The following SLC26A5 variants were observed in gnomAD, a reference collection of about 807,000 sequenced individuals.
SLC26A5 encodes the protein solute carrier family 26 member 5.
In SLC26A5, 51 loss-of-function variants were observed where a neutral mutation model predicts 81.0. The observed-to-expected ratio is 0.63, with a 90% CI of 0.50 to 0.80. The LOEUF is 0.80. Ranked by LOEUF, SLC26A5 falls within the 30% of genes least tolerant of loss-of-function variation. The pLI is 0.00. For missense variants in SLC26A5, 771 were observed against 905.8 expected, an observed-to-expected ratio of 0.85 and a Z score of 1.91; for synonymous variants, 325 against 332.8, an observed-to-expected ratio of 0.98 and a Z score of 0.25.
intron 9 of SLC26A5, among the ~76,000 whole-genome samples, chr7:103,395,190 C>T (rs1345285042): frequency 6.6e-6 from 1 of 152,036 alleles, no homozygotes; most frequent in South Asian, 2.1e-4. Context: ...TTGGGTTAGC[C>T]TGTTATCAGT....
chr7:103,374,084 T>C (rs1821169856), downstream of SLC26A5: 1 of 728,166 alleles, frequency 1.4e-6, no homozygotes, highest in Non-Finnish European at 1.8e-6. Context: ...AGAACCACTA[T>C]GTAATATCTT....
At chr7:103,409,715 GT>G (rs371646994) in intron 7 of SLC26A5, among the ~76,000 whole-genome samples, 1 of 146,230 alleles carries the variant, frequency 6.8e-6, no homozygotes. Context: ...AGCAGGTTTT[GT>G]TTTTTTTTTG....
intron 11 of SLC26A5, 132 bp downstream of exon 11, chr7:103,391,490 T>C: frequency 1.3e-6 from 1 of 741,904 alleles, no homozygotes; most frequent in Non-Finnish European, 2.4e-6. Context: ...CTTTCTCTGA[T>C]TCCCTACACA....
chr7:103,392,304 C>T (rs550266304), intron 10 of SLC26A5, among the ~76,000 whole-genome samples: 1 of 152,258 alleles, frequency 6.6e-6, no homozygotes, highest in East Asian at 1.9e-4. Context: ...GATTAAATAC[C>T]TTATCTGTGG....
chr7:103,443,901 T>C (rs1456340609), intron 1 of SLC26A5, among the ~76,000 whole-genome samples: 1 of 152,152 alleles, frequency 6.6e-6, no homozygotes, highest in African/African-American at 2.4e-5. Context: ...TGTACAAGAT[T>C]TTGAATGGGT....
At chr7:103,431,662 CTGG>C (rs1398084344) in intron 2 of SLC26A5, among the ~76,000 whole-genome samples, 2 of 152,076 alleles carry the variant, frequency 1.3e-5, no homozygotes, top group Non-Finnish European at 2.9e-5. Flanking sequence ...ATTAATTCTT[CTGG>C]TGAGTTTATT....
chr7:103,362,333 A>G, intron 19 of SLC26A5: 1 of 1,367,006 alleles, frequency 7.3e-7, no homozygotes, highest in Non-Finnish European at 9.4e-7. Context: ...AGTTGAGGTT[A>G]CCAGTCCATT....
chr7:103,425,929 A>G (rs1825682450), intron 2 of SLC26A5, among the ~76,000 whole-genome samples: 1 of 152,156 alleles, frequency 6.6e-6, no homozygotes, highest in Non-Finnish European at 1.5e-5. Flanking sequence ...ATTCTATTGT[A>G]TAGCAAAGGC....
At position 103,374,406 on chromosome 7, in the gene SLC26A5, TCAGGAGTGG is replaced by T. The variant is rs1304882461; in HGVS notation, c.2219_2227del (p.Ala740_Pro742del). On this transcript the variant is annotated inframe_deletion, in exon 20 of 20. Transcript: ENST00000306312. ...CTAGGGTGAGGTCCTCATCTATGCC[TCAGGAGTGG>T]CAGGAGTGGCATTGGGCTCCAAGTC... 1 of 1,612,358 alleles carries T rather than the reference TCAGGAGTGG, an allele frequency of 6.2e-7. No homozygotes were observed. Among genetic ancestry groups the T allele is most frequent in the African/African-American group, 1.3e-5 (1 of 74,958 alleles).
chr7:103,417,686 A>G (rs1407990326), intron 4 of SLC26A5, among the ~76,000 whole-genome samples: 1 of 152,128 alleles, frequency 6.6e-6, no homozygotes, highest in Non-Finnish European at 1.5e-5. Context: ...CTACTTGTCT[A>G]TCTCACAAGC....
rs1384226861 is a variant in SLC26A5, at chr7:103,398,089, T to C, written c.889-75A>G. On this transcript the variant is annotated intron_variant, in intron 8 of 19. Transcript: ENST00000306312. ...CTGCAAAAATCAGCTTCAAATAATA[T>C]GTTAGTCAAGTCAAATCTATTCTCA... The C allele has an allele frequency of 6.2e-6, 7 of 1,123,632 alleles. No homozygotes were observed. In the East Asian group the frequency reaches 1.4e-4, roughly 23 times the overall value. The allele number at this position is 1,123,632 out of a possible 1,614,324, so 69.6% of individuals were successfully genotyped here.
At chr7:103,365,594 A>T (rs1820674413) in intron 19 of SLC26A5, among the ~76,000 whole-genome samples, 1 of 152,156 alleles carries the variant, frequency 6.6e-6, no homozygotes, top group Non-Finnish European at 1.5e-5. Flanking sequence ...GTGCCATTGC[A>T]CACCAGCCTG....
At chr7:103,363,860 T>A (rs1328235053) in intron 19 of SLC26A5, among the ~76,000 whole-genome samples, 16 of 152,222 alleles carry the variant, frequency 1.1e-4, no homozygotes, top group Admixed American at 1.0e-3. Context: ...TAATTTTTTT[T>A]AAATTAGGAA....
intron 14 of SLC26A5, among the ~76,000 whole-genome samples, chr7:103,382,330 T>A (rs1821863313): frequency 6.6e-6 from 1 of 151,710 alleles, no homozygotes; most frequent in Non-Finnish European, 1.5e-5. Flanking sequence ...ACATTATTTT[T>A]TGAGAGCCCT....
intron 11 of SLC26A5, among the ~76,000 whole-genome samples, chr7:103,391,344 C>T (rs147930786): frequency 3.4e-4 from 52 of 152,290 alleles, no homozygotes; most frequent in African/African-American, 1.1e-3. Context: ...CAGTCTCAGG[C>T]TTTCATAACA....
In SLC26A5 at chr7:103,367,944, A is replaced by C. The variant is rs373150287; in HGVS notation, c.2041+8864T>G. On this transcript the variant is annotated intron_variant, in intron 19 of 19. Transcript: ENST00000339444. The surrounding 1 kb of genome is among the most constrained non-coding windows in gnomAD (Gnocchi z 6.1). ...CACAGAGGCTGGTATGTTTGCCATC[A>C]GAGCACGGCGAAAAATTGCTACCGA... The C allele has an allele frequency of 1.7e-4, 273 of 1,614,036 alleles. No homozygotes were observed. Among genetic ancestry groups the C allele is most frequent in the Non-Finnish European group, 2.1e-4 (253 of 1,180,036 alleles).
At chr7:103,363,264 T>C in intron 19 of SLC26A5, 1 of 1,108,366 alleles carries the variant, frequency 9.0e-7, no homozygotes, top group Admixed American at 2.0e-5. Flanking sequence ...TCTTTTAAGG[T>C]ATTAGGTCTA....
intron 8 of SLC26A5, among the ~76,000 whole-genome samples, chr7:103,402,026 G>C (rs1190086126): frequency 6.6e-6 from 1 of 151,908 alleles, no homozygotes; most frequent in Non-Finnish European, 1.5e-5. Flanking sequence ...TCTTTTTTTT[G>C]TTGTTGTGTC....
At chr7:103,364,113 G>A in intron 19 of SLC26A5, 1 of 1,604,748 alleles carries the variant, frequency 6.2e-7, no homozygotes, top group South Asian at 1.1e-5. Context: ...TACAGAAGTG[G>A]TAAGTGTGAA....
Sources: gnomAD v4.1 joint callset for allele counts (sites outside exome capture counted in the v4.1 genomes callset) on GRCh38, gnomAD v4.1.1 for gene constraint, Gnocchi (gnomAD v3.1) non-coding constraint, MANE v1.5 for transcripts, NCBI Gene and HGNC (gene_info 2026-07-23, HGNC 2026-07-21) for gene names.